The following NAV2 variants were observed in gnomAD, a reference collection of about 807,000 sequenced individuals.
NAV2 encodes the protein neuron navigator 2, also known as helicase, APC down-regulated 1.
Under a neutral mutation model 223.2 loss-of-function variants are expected in NAV2, and 54 were observed. That is an observed-to-expected ratio of 0.24 (90% CI 0.19 to 0.30). The LOEUF is 0.30. NAV2 is among the 10% of genes least tolerant of loss of function. The pLI is 1.00. For missense variants in NAV2, 2,806 were observed against 3,147.5 expected (o/e 0.89, Z 2.60); for synonymous variants, 1,279 against 1,239.3 (o/e 1.03, Z -0.67).
chr11:19,354,830 G>C, intron 1 of NAV2, among the ~76,000 whole-genome samples: 1 of 152,174 alleles, frequency 6.6e-6, no homozygotes, highest in East Asian at 1.9e-4. Flanking sequence ...AAGATCAGGA[G>C]GCAGCTCTCA....
At chr11:19,845,714 A>C (rs924192305) in intron 3 of NAV2, among the ~76,000 whole-genome samples, 3 of 152,140 alleles carry the variant, frequency 2.0e-5, no homozygotes, top group Middle Eastern at 3.2e-3. Context: ...TAGGCTGCCC[A>C]GCTGCTCTGT....
chr11:19,403,150 A>G (rs1326364073), intron 1 of NAV2, among the ~76,000 whole-genome samples: 1 of 152,234 alleles, frequency 6.6e-6, no homozygotes, highest in Admixed American at 6.5e-5. Flanking sequence ...GAACAGTGAC[A>G]GGCAAATAGG....
chr11:19,941,907 T>C (rs923807605), intron 8 of NAV2, among the ~76,000 whole-genome samples: 5 of 152,232 alleles, frequency 3.3e-5, no homozygotes, highest in South Asian at 2.1e-4. Flanking sequence ...TTTCATGTTG[T>C]AACATATCCC....
chr11:19,443,851 T>C (rs1377827621), intron 1 of NAV2, among the ~76,000 whole-genome samples: 1 of 152,228 alleles, frequency 6.6e-6, no homozygotes, highest in Non-Finnish European at 1.5e-5. Context: ...TATAATTGTA[T>C]CAAGTACTTA....
At chr11:19,449,948 A>G (rs961713982) in intron 1 of NAV2, among the ~76,000 whole-genome samples, 1 of 152,052 alleles carries the variant, frequency 6.6e-6, no homozygotes, top group Non-Finnish European at 1.5e-5. Flanking sequence ...AAAGGGCAGC[A>G]AAGAGCCTTT....
intron 1 of NAV2, among the ~76,000 whole-genome samples, chr11:19,396,965 A>C (rs1475011786): frequency 6.6e-6 from 1 of 152,102 alleles, no homozygotes; most frequent in Non-Finnish European, 1.5e-5. Flanking sequence ...TCCTCTTTTT[A>C]TGGGGACCAC....
At chr11:19,377,932 T>C (rs1294570559) in intron 1 of NAV2, among the ~76,000 whole-genome samples, 1 of 152,118 alleles carries the variant, frequency 6.6e-6, no homozygotes, top group Non-Finnish European at 1.5e-5. Flanking sequence ...CTGGGAGTGA[T>C]ATGAAGTGTG....
chr11:20,068,069 GA>G, intron 20 of NAV2, 116 bp from the exon 21 acceptor site: 1 of 957,784 alleles, frequency 1.0e-6, no homozygotes, highest in Non-Finnish European at 1.6e-6. Context: ...CACCAGAAAA[GA>G]AACTAATAAT....
intron 1 of NAV2, among the ~76,000 whole-genome samples, chr11:19,587,514 G>A (rs1166052043): frequency 6.6e-6 from 1 of 152,136 alleles, no homozygotes; most frequent in East Asian, 1.9e-4. Flanking sequence ...CAGCCACCTT[G>A]GCTCCCAGCT....
intron 1 of NAV2, among the ~76,000 whole-genome samples, chr11:19,484,299 G>C (rs1256779756): frequency 6.6e-6 from 1 of 152,208 alleles, no homozygotes; most frequent in Non-Finnish European, 1.5e-5. Context: ...AGCATCCTCA[G>C]ATACTGGTTC....
At chr11:19,646,914 G>A (rs2135603306) in intron 1 of NAV2, among the ~76,000 whole-genome samples, 1 of 152,188 alleles carries the variant, frequency 6.6e-6, no homozygotes, top group African/African-American at 2.4e-5. Context: ...CTCTCTTCAG[G>A]CACTACAGGA....
intron 10 of NAV2, among the ~76,000 whole-genome samples, chr11:19,969,813 GC>G (rs1480177517): frequency 6.6e-6 from 1 of 151,946 alleles, no homozygotes; most frequent in African/African-American, 2.4e-5. Flanking sequence ...AGGCGTGGTG[GC>G]AGGTGCCTGT....
chr11:20,093,202 T>C lies in NAV2; in HGVS notation c.5916+3T>C, dbSNP rs937719531. The C allele has an allele frequency of 2.2e-5, 35 of 1,588,416 alleles. No homozygotes were observed. The highest frequency in any genetic ancestry group is 2.9e-5 in the Non-Finnish European group (33 of 1,156,766). ...AGGAGGAAATGAAGTGGAAGGAGGT[T>C]AGTTGGATCCCTTTCCCTGCTTTGC... On this transcript the variant is annotated splice_donor_region_variant and intron_variant, in intron 29 of 37. Coordinates refer to ENST00000349880, the MANE Select transcript of NAV2 (RefSeq NM_145117.5).
chr11:19,558,051 A>G (rs2044962270), intron 1 of NAV2, among the ~76,000 whole-genome samples: 1 of 152,184 alleles, frequency 6.6e-6, no homozygotes, highest in Non-Finnish European at 1.5e-5. Flanking sequence ...GGTGCTTATA[A>G]ACGTGGGCTC....
At chr11:19,730,124 C>T (rs1369267889) in intron 1 of NAV2, among the ~76,000 whole-genome samples, 1 of 152,196 alleles carries the variant, frequency 6.6e-6, no homozygotes, top group Non-Finnish European at 1.5e-5. Context: ...ATGAATCTTC[C>T]ACAGTTCTAT....
intron 1 of NAV2, among the ~76,000 whole-genome samples, chr11:19,689,341 A>G (rs1382152162): frequency 6.6e-6 from 1 of 152,232 alleles, no homozygotes; most frequent in African/African-American, 2.4e-5. Flanking sequence ...CAAAGACATC[A>G]ACAAGAGATG....
Position 19,679,430 on chromosome 11 carries a change from C to CAAAAAA in NAV2, c.76-153052_76-153047dup, listed in dbSNP as rs56384242. Among the ~76,000 whole-genome samples the CAAAAAA allele has an allele frequency of 6.3e-4, 72 of 114,072 alleles. 10 individuals are homozygous for CAAAAAA. The highest frequency in any genetic ancestry group is 5.4e-3 in the Middle Eastern group (1 of 186). The allele number at this position is 114,072 out of a possible 152,430, so 74.8% of individuals were successfully genotyped here. ...TGGGCAACAGAACGAGACTCTGTCT[C>CAAAAAA]AAAAAAACACAAAAAGATTTGGGGG... On this transcript the variant is annotated intron_variant, in intron 1 of 37. Transcript: ENST00000360655.
chr11:19,997,799 A>G (rs1191033773), intron 11 of NAV2, among the ~76,000 whole-genome samples: 1 of 152,164 alleles, frequency 6.6e-6, no homozygotes, highest in Non-Finnish European at 1.5e-5. Flanking sequence ...ATCCAGCACC[A>G]AGAATAATCA....
intron 1 of NAV2, among the ~76,000 whole-genome samples, chr11:19,439,036 A>G (rs958277163): frequency 2.0e-5 from 3 of 152,086 alleles, no homozygotes; most frequent in East Asian, 1.9e-4. Context: ...CTCTAATTGC[A>G]TGGTTGGTTC....
Sources: allele counts gnomAD v4.1 joint callset (sites outside exome capture counted in the v4.1 genomes callset), GRCh38; gene constraint gnomAD v4.1.1; transcripts MANE v1.5; gene names NCBI Gene and HGNC (gene_info 2026-07-23, HGNC 2026-07-21).